EIPR1: variants seen among roughly 807,000 people sequenced by gnomAD.
The protein encoded by EIPR1 is EARP complex and GARP complex interacting protein 1.
EIPR1 carries 25 observed loss-of-function variants against 48.1 expected under a neutral mutation model. That is an observed-to-expected ratio of 0.52 (90% CI 0.38 to 0.73). The LOEUF (loss-of-function observed/expected upper bound fraction) is 0.73. EIPR1 is among the 30% of genes least tolerant of loss of function. The pLI is 0.00. For synonymous variants in EIPR1, 204 were observed against 201.9 expected, an observed-to-expected ratio of 1.01 and a Z score of -0.09; for missense variants, 415 against 506.2, an observed-to-expected ratio of 0.82 and a Z score of 1.73.
Position 3,329,289 on chromosome 2 carries a change from GATCTCAGGGCA to G in EIPR1, c.259+8717_259+8727del, listed in dbSNP as rs1190865014. Among the ~76,000 whole-genome samples, 52 of 80,992 alleles carry G rather than the reference GATCTCAGGGCA, an allele frequency of 6.4e-4. 4 individuals carry two copies. Among genetic ancestry groups the G allele is most frequent in the Admixed American group, 5.7e-4 (5 of 8,812 alleles). The allele number at this position is 80,992 out of a possible 152,430, so 53.1% of individuals were successfully genotyped here. On this transcript the variant is annotated intron_variant, in intron 3 of 8. Coordinates refer to ENST00000382125, the MANE Select transcript of EIPR1 (RefSeq NM_003310.5). ...CAGACTCTACCCACCACACTCTAAT[GATCTCAGGGCA>G]CCAGCTGGGCTCCCCTGAATCAGAG...
At chr2:3,263,203 C>T (rs1375195442) in intron 3 of EIPR1, among the ~76,000 whole-genome samples, 1 of 152,160 alleles carries the variant, frequency 6.6e-6, no homozygotes, top group East Asian at 1.9e-4. Context: ...GATCATGAGG[C>T]AGGGCTCCCA....
intron 3 of EIPR1, among the ~76,000 whole-genome samples, chr2:3,294,450 T>TA (rs2103278576): frequency 1.6e-5 from 2 of 126,604 alleles, no homozygotes; most frequent in East Asian, 2.6e-4. Flanking sequence ...CCATCCTCTC[T>TA]CCAAACACAC....
intron 1 of EIPR1, among the ~76,000 whole-genome samples, chr2:3,363,272 A>G (rs1670894312): frequency 2.0e-5 from 3 of 152,172 alleles, no homozygotes; most frequent in South Asian, 4.1e-4. Flanking sequence ...AAGAAAAACA[A>G]AAAAAGACAT....
chr2:3,203,151 G>C (rs1017507995), intron 5 of EIPR1, among the ~76,000 whole-genome samples: 1 of 152,240 alleles, frequency 6.6e-6, no homozygotes, highest in Non-Finnish European at 1.5e-5. Flanking sequence ...TGACAGATGA[G>C]AAAACTGAGG....
intron 3 of EIPR1, among the ~76,000 whole-genome samples, chr2:3,281,849 G>GA (rs1411264605): frequency 1.3e-5 from 2 of 152,022 alleles, no homozygotes; most frequent in South Asian, 2.1e-4. Context: ...AGATCAGAGA[G>GA]AAAAAACAAA....
intron 3 of EIPR1, among the ~76,000 whole-genome samples, chr2:3,266,223 T>C (rs1434221069): frequency 6.6e-6 from 1 of 152,188 alleles, no homozygotes; most frequent in Non-Finnish European, 1.5e-5. Context: ...GGACATAATC[T>C]GATCCCCAGC....
rs1049923587 is a variant in EIPR1 at position 3,196,823 on chromosome 2, G to A, written c.653+58C>T. On this transcript the variant is annotated intron_variant, in intron 6 of 8. Coordinates refer to ENST00000382125, the MANE Select transcript of EIPR1 (RefSeq NM_003310.5). ...TCACCATCAGCTCCACCATCATCCC[G>A]GTTCTGCTCGGTGAGGGAGGAAAGG... 2.6e-5 allele frequency: 42 copies of A among 1,594,992 alleles called. No individual in the cohort carries two copies. In the Middle Eastern group the frequency reaches 1.2e-3, roughly 44 times the overall value.
intron 3 of EIPR1, chr2:3,319,896 CTGTGGACAACACCGCA>C (rs1669460428): frequency 9.8e-6 from 1 of 102,480 alleles, no homozygotes; most frequent in African/African-American, 5.9e-5. Flanking sequence ...AACACCGCAC[CTGTGGACAACACCGCA>C]CCTGTGGGCA....
chr2:3,252,602 C>T (rs1397978975), intron 4 of EIPR1, among the ~76,000 whole-genome samples: 1 of 152,000 alleles, frequency 6.6e-6, no homozygotes, highest in African/African-American at 2.4e-5. Flanking sequence ...AAAACAAAAA[C>T]AAAAACAAAA....
intron 4 of EIPR1, among the ~76,000 whole-genome samples, chr2:3,254,174 T>C (rs1400549921): frequency 1.3e-5 from 2 of 152,022 alleles, no homozygotes; most frequent in Non-Finnish European, 2.9e-5. Flanking sequence ...TTCCCCCAAA[T>C]CAAATTCCCT....
intron 3 of EIPR1, among the ~76,000 whole-genome samples, chr2:3,266,515 A>T (rs1052643195): frequency 3.3e-5 from 5 of 152,226 alleles, no homozygotes; most frequent in Non-Finnish European, 7.3e-5. Context: ...GCAGAGACTG[A>T]TTGCAGAAGG....
chr2:3,203,771 A>T (rs150675151), intron 5 of EIPR1, among the ~76,000 whole-genome samples: 17 of 152,234 alleles, frequency 1.1e-4, no homozygotes, highest in Admixed American at 2.6e-4. Flanking sequence ...TCTGGGCTTC[A>T]TCTTGCTGGC....
chr2:3,249,757 A>T (rs1443883353), intron 4 of EIPR1, among the ~76,000 whole-genome samples: 1 of 152,208 alleles, frequency 6.6e-6, no homozygotes, highest in Non-Finnish European at 1.5e-5. Context: ...AATGGTTTCC[A>T]AGGCCAGGCC....
chr2:3,222,561 C>T (rs1437472944), intron 4 of EIPR1, among the ~76,000 whole-genome samples: 1 of 152,170 alleles, frequency 6.6e-6, no homozygotes, highest in Non-Finnish European at 1.5e-5. Context: ...ACAGGTAAAG[C>T]TTTCAAGAAA....
chr2:3,373,326 A>G (rs1659758663), intron 1 of EIPR1, among the ~76,000 whole-genome samples: 1 of 152,024 alleles, frequency 6.6e-6, no homozygotes, highest in Admixed American at 6.6e-5. Context: ...GGCACAAGAC[A>G]GGGATGCCCT....
At chr2:3,361,200 A>T (rs996722029) in intron 1 of EIPR1, among the ~76,000 whole-genome samples, 3 of 152,134 alleles carry the variant, frequency 2.0e-5, no homozygotes, top group African/African-American at 7.2e-5. Context: ...TTACCCGTTG[A>T]AGTCCAAGCC....
intron 3 of EIPR1, chr2:3,319,914 C>T (rs550183253): frequency 9.3e-6 from 1 of 107,442 alleles, no homozygotes; most frequent in South Asian, 1.9e-4. Flanking sequence ...AACACCGCAC[C>T]TGTGGGCAGG....
At chr2:3,229,808 C>T (rs1666183163) in intron 4 of EIPR1, among the ~76,000 whole-genome samples, 1 of 152,248 alleles carries the variant, frequency 6.6e-6, no homozygotes, top group South Asian at 2.1e-4. Context: ...GTTTATCCTT[C>T]TGTTTCTTCA....
intron 3 of EIPR1, among the ~76,000 whole-genome samples, chr2:3,276,678 C>T (rs967516086): frequency 4.6e-5 from 7 of 152,184 alleles, no homozygotes; most frequent in African/African-American, 7.2e-5. Context: ...GCTGCTCTTC[C>T]GCATCCCTAG....
Sources: gnomAD v4.1 joint callset for allele counts (sites outside exome capture counted in the v4.1 genomes callset) on GRCh38, gnomAD v4.1.1 for gene constraint, MANE v1.5 for transcripts, NCBI Gene and HGNC (gene_info 2026-07-23, HGNC 2026-07-21) for gene names.